Variants in CHRDL2 observed in about 807,000 individuals in gnomAD.
The protein encoded by CHRDL2 is chordin-like protein 2.
Under a neutral mutation model 54.3 loss-of-function variants are expected in CHRDL2, and 41 were observed. The observed-to-expected ratio is 0.76, with a 90% CI of 0.59 to 0.98. The LOEUF (loss-of-function observed/expected upper bound fraction) is 0.98. Ranked by LOEUF, CHRDL2 falls within the 50% of genes least tolerant of loss-of-function variation. CHRDL2 has a pLI of 0.00. For synonymous variants in CHRDL2, 220 were observed against 224.3 expected (o/e 0.98, Z 0.17); for missense variants, 518 against 562.4 (o/e 0.92, Z 0.80).
intron 1 of CHRDL2, chr11:74,719,121 GATTT>G: frequency 2.9e-6 from 1 of 345,564 alleles, no homozygotes; most frequent in Middle Eastern, 7.6e-4. Flanking sequence ...ATGCTGTACA[GATTT>G]ATATCATGGT....
chr11:74,713,341 T>A (rs1565154746), intron 3 of CHRDL2, 45 bp downstream of exon 3: 1 of 1,528,518 alleles, frequency 6.5e-7, no homozygotes, highest in Non-Finnish European at 9.0e-7. Flanking sequence ...ACACTGGGAG[T>A]AGGAGAAAGG....
chr11:74,712,983 T>A (rs900042482), intron 3 of CHRDL2, among the ~76,000 whole-genome samples: 2 of 152,078 alleles, frequency 1.3e-5, no homozygotes, highest in African/African-American at 4.8e-5. Context: ...CCTTCTGAGC[T>A]CCCCCAGTGG....
chr11:74,715,932 C>T (rs1271626908), intron 2 of CHRDL2, among the ~76,000 whole-genome samples: 1 of 151,204 alleles, frequency 6.6e-6, no homozygotes, highest in African/African-American at 2.4e-5. Flanking sequence ...GAGCCGAGAT[C>T]GTGCCACTGC....
At chr11:74,726,273 C>G (rs2034569511) in intron 1 of CHRDL2, among the ~76,000 whole-genome samples, 1 of 152,130 alleles carries the variant, frequency 6.6e-6, no homozygotes, top group African/African-American at 2.4e-5. Flanking sequence ...ACATCCAGTC[C>G]CCTGTTTCCT....
At chr11:74,728,961 G>C (rs2034610624) in intron 1 of CHRDL2, among the ~76,000 whole-genome samples, 1 of 152,168 alleles carries the variant, frequency 6.6e-6, no homozygotes, top group Admixed American at 6.5e-5. Flanking sequence ...CTGCTGAGAG[G>C]TACAGAGCTG....
intron 2 of CHRDL2, among the ~76,000 whole-genome samples, chr11:74,716,329 G>A (rs537127792): frequency 5.1e-4 from 77 of 152,272 alleles, no homozygotes; most frequent in African/African-American, 1.7e-3. Context: ...GAGATCAAGA[G>A]ATGGAGATCA....
chr11:74,717,774 T>A (rs1380577561), intron 2 of CHRDL2, among the ~76,000 whole-genome samples: 1 of 151,720 alleles, frequency 6.6e-6, no homozygotes, highest in East Asian at 1.9e-4. Flanking sequence ...AGAGTGGGGC[T>A]GGGAGGCTGG....
chr11:74,706,457 C>T (rs747478568), intron 6 of CHRDL2, 30 bp downstream of exon 6: 19 of 1,611,668 alleles, frequency 1.2e-5, no homozygotes, highest in Middle Eastern at 1.6e-4. Flanking sequence ...CCCCCTGTCC[C>T]GCACCCCGTC....
chr11:74,714,818 G>A (rs1315759202), intron 2 of CHRDL2, among the ~76,000 whole-genome samples: 1 of 152,204 alleles, frequency 6.6e-6, no homozygotes, highest in African/African-American at 2.4e-5. Context: ...AAGGAGCCAA[G>A]GATGGCGATG....
chr11:74,714,778 G>A (rs1005426950), intron 2 of CHRDL2, among the ~76,000 whole-genome samples: 1 of 152,204 alleles, frequency 6.6e-6, no homozygotes, highest in Admixed American at 6.5e-5. Context: ...GGCCTGAAGA[G>A]TTAGAATCGG....
At chr11:74,728,452 T>C (rs2034603373) in intron 1 of CHRDL2, among the ~76,000 whole-genome samples, 1 of 152,190 alleles carries the variant, frequency 6.6e-6, no homozygotes, top group Admixed American at 6.5e-5. Context: ...GAGGCTCAGA[T>C]AAAGAAGTGG....
intron 9 of CHRDL2, chr11:74,698,721 A>ACACACACC (rs1491382541): frequency 1.2e-4 from 10 of 81,756 alleles, no homozygotes; most frequent in East Asian, 4.8e-4. Context: ...ACACACACAC[A>ACACACACC]CCCCACATAC....
Position 74,703,419 on chromosome 11 carries a change from T to C in CHRDL2, c.832A>G (p.Ile278Val). ...CGGCCATCCTCACAGGTGCATAGGATGCAGGGCAAGGGGCCGAAGGCACGG... is the reference window on the plus strand; with the variant it reads ...CGGCCATCCTCACAGGTGCATAGGACGCAGGGCAAGGGGCCGAAGGCACGG... Reference protein sequence around the residue: ...AFRAFGPLPCILCTCEDGRQD... With the variant: ...AFRAFGPLPCVLCTCEDGRQD... Residue 278 changes from isoleucine (I) to valine (V), a missense_variant, in exon 8 of 11, where the codon ATC becomes GTC. Ile to Val is a conservative substitution (Grantham distance 29). Coordinates refer to ENST00000376332, the MANE Select transcript of CHRDL2 (RefSeq NM_001278473.3). The C allele has an allele frequency of 1.2e-6, 2 of 1,613,540 alleles. No individual in the cohort carries two copies. The highest frequency in any genetic ancestry group is 1.7e-6 in the Non-Finnish European group (2 of 1,179,812).
chr11:74,701,427 G>T lies in CHRDL2; in HGVS notation c.1120+1367C>A, dbSNP rs550435472. On this transcript the variant is annotated intron_variant, in intron 9 of 10. Transcript: ENST00000376332. ...TCCCTCTGCCTGGGACAGCCCTTCAGAGCCACGAAGCCAGCAGTCCTGTCC... is the reference window on the plus strand; with the variant it reads ...TCCCTCTGCCTGGGACAGCCCTTCATAGCCACGAAGCCAGCAGTCCTGTCC... 8.0e-5 allele frequency: 43 copies of T among 538,486 alleles called. No homozygotes were observed. The South Asian group carries it at 1.2e-3, about 15-fold the overall frequency. The allele number at this position is 538,486 out of a possible 1,614,324, so 33.4% of individuals were successfully genotyped here.
chr11:74,721,429 G>T lies in CHRDL2; in HGVS notation c.83-2597C>A, dbSNP rs7929058. 7.6e-3 allele frequency among the ~76,000 whole-genome samples: 1,162 copies of T among 152,362 alleles called. 16 individuals are homozygous for T. Among genetic ancestry groups the T allele is most frequent in the African/African-American group, 0.027 (1,118 of 41,588 alleles). On this transcript the variant is annotated intron_variant, in intron 1 of 10. Transcript: ENST00000376332. ...GAGTGTCTCAGCCAATGCCCAGGCA[G>T]GAGGCCCCTTCCCCCCACCAACAGA... is the stretch of plus-strand genomic sequence containing the variant.
intron 5 of CHRDL2, 22 bp downstream of exon 5, chr11:74,708,280 C>T (rs368632992): frequency 3.0e-5 from 46 of 1,520,384 alleles, no homozygotes; most frequent in Non-Finnish European, 3.8e-5. Flanking sequence ...GTGAGTGCTG[C>T]CAGATGGAGG....
intron 9 of CHRDL2, among the ~76,000 whole-genome samples, chr11:74,700,336 T>C (rs1476521647): frequency 6.6e-6 from 1 of 152,242 alleles, no homozygotes; most frequent in Non-Finnish European, 1.5e-5. Flanking sequence ...CTGGCTGCAG[T>C]GTACCCTTTT....
chr11:74,706,395 A>C, intron 6 of CHRDL2, 92 bp downstream of exon 6: 1 of 1,253,540 alleles, frequency 8.0e-7, no homozygotes, highest in Non-Finnish European at 1.2e-6. Context: ...AATGAGGACA[A>C]TAACTGGTAT....
chr11:74,697,718 C>T (rs111722319), intron 9 of CHRDL2: 4 of 401,440 alleles, frequency 1.0e-5, no homozygotes, highest in African/African-American at 2.1e-5. Context: ...TCACAACACC[C>T]ACCTGTCCCC....
Sources: allele counts gnomAD v4.1 joint callset (sites outside exome capture counted in the v4.1 genomes callset), GRCh38; gene constraint gnomAD v4.1.1; transcripts MANE v1.5; gene names NCBI Gene and HGNC (gene_info 2026-07-23, HGNC 2026-07-21).